Variants in ZBTB17 observed in about 807,000 individuals in gnomAD.
The protein encoded by ZBTB17 is zinc finger and BTB domain-containing protein 17.
Under a neutral mutation model 85.1 loss-of-function variants are expected in ZBTB17, and 24 were observed. The observed-to-expected ratio is 0.28, with a 90% confidence interval of 0.20 to 0.40. The LOEUF is 0.40. ZBTB17 is among the 10% of genes least tolerant of loss of function. The pLI is 1.00. For synonymous variants in ZBTB17, 464 were observed against 460.2 expected, an observed-to-expected ratio of 1.01 and a Z score of -0.11; for missense variants, 743 against 1,105.1, an observed-to-expected ratio of 0.67 and a Z score of 4.65.
At chr1:15,971,362 A>C (rs12135447) in intron 2 of ZBTB17, among the ~76,000 whole-genome samples, 8 of 87,458 alleles carry the variant, frequency 9.1e-5, no homozygotes, top group African/African-American at 2.2e-4. Flanking sequence ...TACACACACA[A>C]TATATATATA....
At chr1:15,970,585 G>C (rs905327908) in intron 2 of ZBTB17, among the ~76,000 whole-genome samples, 1 of 151,588 alleles carries the variant, frequency 6.6e-6, no homozygotes, top group African/African-American at 2.4e-5. Context: ...GTCTCGTTCT[G>C]TCACCCAGGC....
chr1:15,944,815 T>C lies in ZBTB17; in HGVS notation c.952A>G (p.Thr318Ala). The change falls in exon 8 of 16, where the codon ACG becomes GCG. Residue 318 changes from threonine to alanine, a missense_variant. Thr to Ala is a moderately conservative substitution (Grantham distance 58, BLOSUM62 0). Coordinates refer to ENST00000375743, the MANE Select transcript of ZBTB17 (RefSeq NM_003443.3). The part of the protein sequence containing the change: ...CEDCGKEFTH[T>A]GNFKRHIRIH... ...CGGATGTGCCGCTTGAAGTTCCCCG[T>C]GTGCGTGAACTCCTTCCCACAGTCC... The C allele has an allele frequency of 6.2e-7, 1 of 1,607,446 alleles. No individual in the cohort carries two copies. Among genetic ancestry groups the C allele is most frequent in the Non-Finnish European group, 8.5e-7 (1 of 1,177,336 alleles).
intron 1 of ZBTB17, among the ~76,000 whole-genome samples, chr1:15,974,768 G>C (rs1289354672): frequency 6.6e-6 from 1 of 151,998 alleles, no homozygotes; most frequent in Non-Finnish European, 1.5e-5. Flanking sequence ...AGAGACGGGG[G>C]TTTCACCATA....
chr1:15,973,625 T>G lies in ZBTB17; in HGVS notation c.-89-500A>C, dbSNP rs1249457972. On this transcript the variant is annotated intron_variant, in intron 1 of 15. Coordinates refer to ENST00000375743, the MANE Select transcript of ZBTB17 (RefSeq NM_003443.3). The surrounding 1 kb of genome is among the most constrained non-coding windows in gnomAD (Gnocchi z 4.1). ...CATATCTGCCCTCCCCCAGATCTGC[T>G]CCCCGTACTGCTCCCTATCACATGG... Among the ~76,000 whole-genome samples the G allele has an allele frequency of 6.6e-6, 1 of 152,034 alleles. No individual in the cohort carries two copies. The highest frequency in any genetic ancestry group is 2.4e-5 in the African/African-American group (1 of 41,388).
At position 15,964,082 on chromosome 1, in the gene ZBTB17, G is replaced by A. The variant is rs182346493; in HGVS notation, c.-3+8957C>T. 2.3e-3 allele frequency among the ~76,000 whole-genome samples: 348 copies of A among 151,078 alleles called. No individual in the cohort carries two copies. Among genetic ancestry groups the A allele is most frequent in the Non-Finnish European group, 4.2e-3 (282 of 67,824 alleles). ...CTGCAGTAAGCTGCGATTGTGCCAC[G>A]GCACTCCAGCCTGGACAACAGCGAG... On this transcript the variant is annotated intron_variant, in intron 2 of 15. Coordinates refer to ENST00000375743, the MANE Select transcript of ZBTB17 (RefSeq NM_003443.3). The surrounding 1 kb of genome is among the most constrained non-coding windows in gnomAD (Gnocchi z 4.3).
chr1:15,948,588 T>A, intron 2 of ZBTB17, 91 bp from the exon 3 acceptor site: 2 of 1,332,314 alleles, frequency 1.5e-6, no homozygotes, highest in Non-Finnish European at 2.1e-6. Context: ...GCGAGCACCA[T>A]GGAGAAGACA....
At chr1:15,970,255 A>G in intron 2 of ZBTB17, 1 of 423,104 alleles carries the variant, frequency 2.4e-6, no homozygotes, top group Non-Finnish European at 4.3e-6. Context: ...GAGGAGGACA[A>G]AGGCGAGACA....
chr1:15,944,718 T>C lies in ZBTB17; in HGVS notation c.1049A>G (p.Lys350Arg). The change falls in exon 8 of 16, where the codon AAG becomes AGG. Residue 350 changes from lysine to arginine, a missense_variant. Physicochemically the swap from Lys to Arg is conservative, Grantham distance 26. Around this residue, in one of 4 missense-constraint regions of ZBTB17, gnomAD observed 321 missense variants for 615.7 expected, o/e 0.52. Coordinates refer to ENST00000375743, the MANE Select transcript of ZBTB17 (RefSeq NM_003443.3). ...GTACCTGTGCGTCTTCTCATGGGCCTTGCACGCGGCCGGGTCGGAAAAGGC... is the reference window on the plus strand; with the variant it reads ...GTACCTGTGCGTCTTCTCATGGGCCCTGCACGCGGCCGGGTCGGAAAAGGC... ...SKAFSDPAACKAHEKTHSPLK... is the reference protein window; with the variant it reads ...SKAFSDPAACRAHEKTHSPLK... 1 of 1,610,132 alleles carries C rather than the reference T, an allele frequency of 6.2e-7. No individual in the cohort carries two copies. Among genetic ancestry groups the C allele is most frequent in the Non-Finnish European group, 8.5e-7 (1 of 1,179,878 alleles).
intron 4 of ZBTB17, 104 bp from the exon 5 acceptor site, chr1:15,946,398 G>T: frequency 6.7e-7 from 1 of 1,497,848 alleles, no homozygotes; most frequent in Non-Finnish European, 9.0e-7. Flanking sequence ...CCTCCCTAGG[G>T]TACCTCTAAG....
chr1:15,969,728 C>T (rs1376120252), intron 2 of ZBTB17: 1 of 484,902 alleles, frequency 2.1e-6, no homozygotes. Flanking sequence ...ACCAGGGAGT[C>T]TGTGGGAGCA....
At chr1:15,968,857 A>G (rs1356380547) in intron 2 of ZBTB17, among the ~76,000 whole-genome samples, 2 of 152,214 alleles carry the variant, frequency 1.3e-5, no homozygotes, top group Non-Finnish European at 2.9e-5. Context: ...ACTGGCCTCC[A>G]GCTTCCAACC....
At position 15,947,109 on chromosome 1, in the gene ZBTB17, G is replaced by A; in HGVS notation, c.220C>T (p.Leu74=). 6.2e-7 allele frequency: 1 copy of A among 1,611,328 alleles called. No individual in the cohort carries two copies. The highest frequency in any genetic ancestry group is 8.5e-7 in the Non-Finnish European group (1 of 1,177,956). ...ISNAAGLGQV[L]EFMYTAKLSL... is the part of the protein sequence containing the mutation. ...AGCTTGGCCGTGTACATAAACTCCA[G>A]CACCTGCCCCAGGCCTACCAAGGAC... The change falls in exon 4 of 16, where the codon CTG becomes TTG. Residue 74 remains leucine (L), a synonymous_variant. Coordinates refer to ENST00000375743, the MANE Select transcript of ZBTB17 (RefSeq NM_003443.3).
At chr1:15,944,196 C>A in intron 9 of ZBTB17, 104 bp downstream of exon 9, 1 of 1,465,306 alleles carries the variant, frequency 6.8e-7, no homozygotes, top group Non-Finnish European at 9.3e-7. Flanking sequence ...TGATGAGCTC[C>A]TGGAGGCCGG....
chr1:15,950,276 C>T lies in ZBTB17; in HGVS notation c.-2-1779G>A, dbSNP rs572688524. Among the ~76,000 whole-genome samples, 16 of 152,358 alleles carry T rather than the reference C, an allele frequency of 1.1e-4. No homozygotes were observed. The South Asian group carries it at 2.7e-3, about 26-fold the overall frequency. ...GACCTGAAGGAACGCAAGGGAGAAT[C>T]GTGGCTGCGCTGCTCCTATGCACTG... On this transcript the variant is annotated intron_variant, in intron 2 of 15. Transcript: ENST00000375743.
Position 15,952,190 on chromosome 1 carries a change from C to T in ZBTB17, c.-2-3693G>A, listed in dbSNP as rs1251862472. ...CATTTTAGATGCAGACTGACCTGAC[C>T]CCCACTCACAAAGTCTTAGCTGCAA... On this transcript the variant is annotated intron_variant, in intron 2 of 15. Coordinates refer to ENST00000375743, the MANE Select transcript of ZBTB17 (RefSeq NM_003443.3). The surrounding 1 kb of genome is among the most constrained non-coding windows in gnomAD (Gnocchi z 4.3). 6.6e-6 allele frequency among the ~76,000 whole-genome samples: 1 copy of T among 152,134 alleles called. No individual in the cohort carries two copies. Among genetic ancestry groups the T allele is most frequent in the African/African-American group, 2.4e-5 (1 of 41,422 alleles).
intron 13 of ZBTB17, 81 bp downstream of exon 13, chr1:15,942,983 G>A: frequency 1.2e-5 from 19 of 1,529,652 alleles, no homozygotes; most frequent in Non-Finnish European, 1.6e-5. Flanking sequence ...GCTGGGGTCT[G>A]GGGGGTCCCT....
intron 1 of ZBTB17, 128 bp downstream of exon 1, chr1:15,975,855 G>T (rs2072860974): frequency 2.7e-6 from 1 of 372,474 alleles, no homozygotes; most frequent in Non-Finnish European, 5.3e-6. Context: ...AGCCCCGGTT[G>T]GCGTCCCATT....
rs754020173 is a variant in ZBTB17, at chr1:15,951,867, A to T, written c.-2-3370T>A. ...ACGTGCTAGGAGGTGCTGTCTGGGG[A>T]GACGTTAACCACAGTAATCAGATCA... is the stretch of plus-strand genomic sequence containing the variant. On this transcript the variant is annotated intron_variant, in intron 2 of 15. Transcript: ENST00000375743. This position sits in a 1 kb window ranked among gnomAD's most constrained non-coding sequence, Gnocchi z 4.1. Among the ~76,000 whole-genome samples, 16 of 151,996 alleles carry T rather than the reference A, an allele frequency of 1.1e-4. No individual in the cohort carries two copies. Among genetic ancestry groups the T allele is most frequent in the Non-Finnish European group, 1.9e-4 (13 of 67,996 alleles).
chr1:15,954,408 C>T (rs1435319356), intron 2 of ZBTB17, among the ~76,000 whole-genome samples: 4 of 152,194 alleles, frequency 2.6e-5, no homozygotes, highest in East Asian at 3.8e-4. Flanking sequence ...CAACAGTCCC[C>T]GGCTCCCAGA....
Sources: gnomAD v4.1 joint callset for allele counts (sites outside exome capture counted in the v4.1 genomes callset) on GRCh38, gnomAD v4.1.1 for gene constraint, gnomAD v4.1.1 regional missense constraint, Gnocchi (gnomAD v3.1) non-coding constraint, MANE v1.5 for transcripts, NCBI Gene and HGNC (gene_info 2026-07-23, HGNC 2026-07-21) for gene names.